Variants in KCNMB2 observed in about 807,000 individuals in gnomAD.
KCNMB2 encodes potassium calcium-activated channel subfamily M regulatory beta subunit 2.
A neutral mutation model predicts 24.5 loss-of-function variants in KCNMB2; 9 were observed. That is an observed-to-expected ratio of 0.37 (90% CI 0.22 to 0.64). KCNMB2 has a LOEUF of 0.64. Ranked by LOEUF, KCNMB2 falls within the 30% of genes least tolerant of loss-of-function variation. KCNMB2 has a pLI of 0.63. For synonymous variants in KCNMB2, 109 were observed against 104.4 expected, an observed-to-expected ratio of 1.04 and a Z score of -0.27; for missense variants, 226 against 284.3, an observed-to-expected ratio of 0.79 and a Z score of 1.47.
chr3:178,801,484 G>A lies in KCNMB2; in HGVS notation c.-67-5859G>A, dbSNP rs189441398. On this transcript the variant is annotated intron_variant, in intron 1 of 4. Transcript: ENST00000452583. ...GCAGGGCTATTCATTCAATCTTCTA[G>A]GCATCAAATTGGGAGAGAAAAGTAT... Among the ~76,000 whole-genome samples the A allele has an allele frequency of 4.8e-3, 724 of 152,180 alleles. 9 individuals carry two copies. Among genetic ancestry groups the A allele is most frequent in the Non-Finnish European group, 6.7e-3 (453 of 67,994 alleles).
chr3:178,722,949 T>A (rs892012751), intron 1 of KCNMB2, among the ~76,000 whole-genome samples: 1 of 152,120 alleles, frequency 6.6e-6, no homozygotes, highest in Non-Finnish European at 1.5e-5. Context: ...ACATGAACTT[T>A]AGGGGACACA....
intron 1 of KCNMB2, among the ~76,000 whole-genome samples, chr3:178,777,741 G>C (rs1441185376): frequency 6.6e-6 from 1 of 152,200 alleles, no homozygotes; most frequent in Non-Finnish European, 1.5e-5. Context: ...AAGGGACTTA[G>C]GGGTCTCAGA....
intron 1 of KCNMB2, among the ~76,000 whole-genome samples, chr3:178,596,339 C>A (rs575733776): frequency 1.4e-4 from 22 of 152,160 alleles, no homozygotes; most frequent in Admixed American, 3.3e-4. Context: ...CTCATGTTAT[C>A]TAAGCTGGAC....
intron 1 of KCNMB2, among the ~76,000 whole-genome samples, chr3:178,646,047 G>A (rs1719912405): frequency 6.6e-6 from 1 of 152,074 alleles, no homozygotes; most frequent in Admixed American, 6.6e-5. Context: ...ACAGTTACCT[G>A]CATCCATGGT....
intron 1 of KCNMB2, among the ~76,000 whole-genome samples, chr3:178,767,141 A>G (rs987888363): frequency 6.6e-6 from 1 of 152,226 alleles, no homozygotes; most frequent in East Asian, 1.9e-4. Context: ...AAATGTGAAT[A>G]GTGCTGAGGT....
At chr3:178,739,861 G>C (rs938095308) in intron 1 of KCNMB2, among the ~76,000 whole-genome samples, 17 of 152,040 alleles carry the variant, frequency 1.1e-4, no homozygotes, top group Admixed American at 7.2e-4. Context: ...AATTATGCTA[G>C]GTCAGTGGGA....
At chr3:178,641,052 T>C (rs1281588372) in intron 1 of KCNMB2, among the ~76,000 whole-genome samples, 2 of 152,178 alleles carry the variant, frequency 1.3e-5, no homozygotes, top group African/African-American at 2.4e-5. Context: ...TTTTAATGAT[T>C]TATGTGTCTA....
At chr3:178,591,564 G>C (rs1444954451) in intron 1 of KCNMB2, among the ~76,000 whole-genome samples, 1 of 152,106 alleles carries the variant, frequency 6.6e-6, no homozygotes, top group Non-Finnish European at 1.5e-5. Context: ...ATTGAAGAAG[G>C]GGGTACTCAG....
chr3:178,737,209 G>A (rs868572597), intron 1 of KCNMB2, among the ~76,000 whole-genome samples: 20 of 152,150 alleles, frequency 1.3e-4, no homozygotes, highest in African/African-American at 4.8e-4. Flanking sequence ...GGCGGAGGTT[G>A]CAGTGAGCCG....
At chr3:178,556,549 C>T (rs570602325) in intron 1 of KCNMB2, among the ~76,000 whole-genome samples, 9 of 152,158 alleles carry the variant, frequency 5.9e-5, no homozygotes, top group South Asian at 4.2e-4. Context: ...GGATTACAGG[C>T]GCCTGCCACC....
At chr3:178,795,908 A>C (rs1192218629) in intron 1 of KCNMB2, among the ~76,000 whole-genome samples, 1 of 152,174 alleles carries the variant, frequency 6.6e-6, no homozygotes, top group Non-Finnish European at 1.5e-5. Flanking sequence ...GACTGAAATA[A>C]AGTTGAAATT....
At chr3:178,794,939 T>C (rs1196083477) in intron 1 of KCNMB2, among the ~76,000 whole-genome samples, 1 of 152,118 alleles carries the variant, frequency 6.6e-6, no homozygotes, top group Non-Finnish European at 1.5e-5. Context: ...TTGTGGGAGA[T>C]GCTGGAATCC....
intron 1 of KCNMB2, among the ~76,000 whole-genome samples, chr3:178,773,474 T>C (rs1479813915): frequency 6.6e-6 from 1 of 152,154 alleles, no homozygotes; most frequent in Non-Finnish European, 1.5e-5. Context: ...CTTTACCCTA[T>C]TTGTTCTGTC....
At chr3:178,547,414 G>A (rs1715809474) in intron 1 of KCNMB2, among the ~76,000 whole-genome samples, 3 of 152,164 alleles carry the variant, frequency 2.0e-5, no homozygotes, top group Admixed American at 1.3e-4. Flanking sequence ...CAAAGATAAC[G>A]CTATATTTCT....
chr3:178,711,942 C>T (rs965126213), intron 1 of KCNMB2, among the ~76,000 whole-genome samples: 1 of 152,228 alleles, frequency 6.6e-6, no homozygotes, highest in Non-Finnish European at 1.5e-5. Flanking sequence ...ACTAAAATCA[C>T]TTATCTGGTC....
intron 1 of KCNMB2, among the ~76,000 whole-genome samples, chr3:178,596,980 G>T (rs921414383): frequency 5.3e-5 from 8 of 152,144 alleles, no homozygotes; most frequent in African/African-American, 1.9e-4. Flanking sequence ...GGAGAAGAGA[G>T]AACAGGGTGG....
intron 1 of KCNMB2, among the ~76,000 whole-genome samples, chr3:178,743,812 G>A (rs542193372): frequency 6.6e-6 from 1 of 152,318 alleles, no homozygotes; most frequent in African/African-American, 2.4e-5. Context: ...AGCATTTGAT[G>A]CAGGAGGATC....
chr3:178,801,169 C>T (rs1713760663), intron 1 of KCNMB2, among the ~76,000 whole-genome samples: 1 of 151,866 alleles, frequency 6.6e-6, no homozygotes, highest in African/African-American at 2.4e-5. Context: ...TTTAAAATAA[C>T]TAAAAGAGTA....
intron 1 of KCNMB2, among the ~76,000 whole-genome samples, chr3:178,723,168 T>C (rs1043967156): frequency 1.3e-5 from 2 of 152,194 alleles, no homozygotes; most frequent in African/African-American, 4.8e-5. Context: ...CAACTTAGTT[T>C]TTCATTTTCA....
Sources: gnomAD v4.1 joint callset for allele counts (sites outside exome capture counted in the v4.1 genomes callset) on GRCh38, gnomAD v4.1.1 for gene constraint, MANE v1.5 for transcripts, NCBI Gene and HGNC (gene_info 2026-07-23, HGNC 2026-07-21) for gene names.